The following SP1 variants were observed in gnomAD, a reference collection of about 807,000 sequenced individuals.
SP1 encodes transcription factor Sp1.
Under a neutral mutation model 66.3 loss-of-function variants are expected in SP1, and 6 were observed. The observed-to-expected ratio is 0.09, with a 90% CI of 0.05 to 0.18. The LOEUF (loss-of-function observed/expected upper bound fraction) is 0.18, where lower values mean the gene tolerates loss of function less well. SP1 is among the 10% of genes least tolerant of loss of function. SP1 has a pLI of 1.00. For synonymous variants in SP1, 417 were observed against 360.8 expected (o/e 1.16, Z -1.77); for missense variants, 848 against 964.5 (o/e 0.88, Z 1.60).
At chr12:53,392,778 A>G (rs1168378721) in intron 3 of SP1, among the ~76,000 whole-genome samples, 1 of 152,012 alleles carries the variant, frequency 6.6e-6, no homozygotes, top group Non-Finnish European at 1.5e-5. Flanking sequence ...TACAGGCGTG[A>G]GCCACCATGC....
chr12:53,387,135 T>C (rs1938248284), intron 3 of SP1, among the ~76,000 whole-genome samples: 1 of 151,870 alleles, frequency 6.6e-6, no homozygotes, highest in East Asian at 1.9e-4. Context: ...ATTTTTTTAG[T>C]AGCGATTGGA....
chr12:53,400,948 GAC>G (rs1425314997), intron 3 of SP1, among the ~76,000 whole-genome samples: 6 of 151,376 alleles, frequency 4.0e-5, no homozygotes, highest in African/African-American at 1.2e-4. Context: ...TTTTAGTAGA[GAC>G]AAGGTTTCAC....
At chr12:53,410,587 C>T (rs1938862117) in intron 5 of SP1, among the ~76,000 whole-genome samples, 1 of 151,886 alleles carries the variant, frequency 6.6e-6, no homozygotes, top group Non-Finnish European at 1.5e-5. Flanking sequence ...TCACTGCAAG[C>T]TCCGCCTCCC....
chr12:53,409,614 A>G, intron 5 of SP1, 53 bp downstream of exon 5: 1 of 1,380,634 alleles, frequency 7.2e-7, no homozygotes, highest in Non-Finnish European at 1.0e-6. Flanking sequence ...AATGAAAAAC[A>G]CAAAATATAC....
chr12:53,393,925 A>G (rs1938411143), intron 3 of SP1, among the ~76,000 whole-genome samples: 1 of 151,610 alleles, frequency 6.6e-6, no homozygotes, highest in Non-Finnish European at 1.5e-5. Context: ...TTTGAAAACC[A>G]GAAGGTGGGC....
chr12:53,404,170 CAA>C (rs773566491), intron 3 of SP1, among the ~76,000 whole-genome samples: 7 of 105,644 alleles, frequency 6.6e-5, no homozygotes, highest in Non-Finnish European at 8.1e-5. Flanking sequence ...GACTCCGTCT[CAA>C]AAAAAAAAAA....
intron 1 of SP1, chr12:53,380,546 C>T (rs992116585): frequency 1.5e-6 from 1 of 687,564 alleles, no homozygotes; most frequent in African/African-American, 1.9e-5. Flanking sequence ...CCTGCCCGCC[C>T]CGGCCACGGG....
intron 3 of SP1, among the ~76,000 whole-genome samples, chr12:53,406,363 C>G (rs931789840): frequency 2.0e-5 from 3 of 152,050 alleles, no homozygotes; most frequent in Admixed American, 2.0e-4. Context: ...ACCACTGCGC[C>G]CAGCCACTCT....
Position 53,383,346 on chromosome 12 carries a change from C to A in SP1, c.1399C>A (p.Leu467Ile). Residue 467 changes from leucine to isoleucine, a missense_variant, in exon 3 of 6, where the codon CTA becomes ATA. Leu to Ile is a conservative substitution (Grantham distance 5, BLOSUM62 2). Around this residue, in one of 7 missense-constraint regions of SP1, gnomAD observed 606 missense variants for 589.9 expected, o/e 1.03. Transcript: ENST00000327443. ...CAATGGACAGGTCAGTTGGCAGACT[C>A]TACAGCTGCAGAACCTCCAAGTTCA... ...GPNGQVSWQTLQLQNLQVQNP... is the reference protein window; with the variant it reads ...GPNGQVSWQTIQLQNLQVQNP... 6.2e-7 allele frequency: 1 copy of A among 1,614,246 alleles called. No individual in the cohort carries two copies. Among genetic ancestry groups the A allele is most frequent in the Non-Finnish European group, 8.5e-7 (1 of 1,180,048 alleles).
chr12:53,399,345 T>G (rs921403807), intron 3 of SP1, among the ~76,000 whole-genome samples: 1 of 152,300 alleles, frequency 6.6e-6, no homozygotes, highest in Non-Finnish European at 1.5e-5. Context: ...TGTTTTTGTT[T>G]TTTTTTGAGA....
chr12:53,386,060 A>G (rs1938223070), intron 3 of SP1, among the ~76,000 whole-genome samples: 1 of 152,210 alleles, frequency 6.6e-6, no homozygotes, highest in Non-Finnish European at 1.5e-5. Flanking sequence ...CCTGGTTAGT[A>G]TTAACCAGAA....
At chr12:53,402,002 G>T (rs1257014625) in intron 3 of SP1, among the ~76,000 whole-genome samples, 1 of 152,130 alleles carries the variant, frequency 6.6e-6, no homozygotes, top group Non-Finnish European at 1.5e-5. Flanking sequence ...ATAATTGGTC[G>T]CAGTTTTACT....
rs564866139 is a variant in SP1 at position 53,411,395 on chromosome 12, G to A, written c.*155G>A. 15 of 606,698 alleles carry A rather than the reference G, an allele frequency of 2.5e-5. No individual in the cohort carries two copies. Among genetic ancestry groups the A allele is most frequent in the Non-Finnish European group, 3.9e-5 (14 of 356,812 alleles). The allele number at this position is 606,698 out of a possible 1,614,324, so 37.6% of individuals were successfully genotyped here. On this transcript the variant is annotated 3_prime_UTR_variant, in exon 6 of 6. Transcript: ENST00000327443. ...GGAGAGGGATACAAGAGAGGAGATG[G>A]GGTCCCGGCACCCATCTGTATCATC...
chr12:53,398,064 T>G (rs1194516744), intron 3 of SP1, among the ~76,000 whole-genome samples: 2 of 152,192 alleles, frequency 1.3e-5, no homozygotes, highest in Non-Finnish European at 2.9e-5. Flanking sequence ...ACTATTTTGG[T>G]CTGAACTGAC....
intron 1 of SP1, among the ~76,000 whole-genome samples, chr12:53,381,143 G>A (rs1428944216): frequency 6.6e-6 from 1 of 151,454 alleles, no homozygotes; most frequent in Non-Finnish European, 1.5e-5. Context: ...GTAGAGACAG[G>A]GTTTCTCCAT....
intron 3 of SP1, among the ~76,000 whole-genome samples, chr12:53,401,785 C>T: frequency 6.6e-6 from 1 of 152,124 alleles, no homozygotes; most frequent in East Asian, 1.9e-4. Flanking sequence ...TCTCCTGCCT[C>T]AGCCTTCCAA....
rs909353926 is a variant in SP1 at position 53,381,647 on chromosome 12, T to A, written c.8-12T>A. 6.3e-7 allele frequency: 1 copy of A among 1,593,416 alleles called. No homozygotes were observed. The highest frequency in any genetic ancestry group is 1.4e-5 in the African/African-American group (1 of 73,710). On this transcript the variant is annotated splice_polypyrimidine_tract_variant and intron_variant, in intron 1 of 5. Coordinates refer to ENST00000327443, the MANE Select transcript of SP1 (RefSeq NM_138473.3). ...CCTCAAGTTTACGTTGTTTGTTTTT[T>A]AATTATTTTAGACCAAGATCACTCC...
chr12:53,394,480 A>T, intron 3 of SP1, among the ~76,000 whole-genome samples: 1 of 129,308 alleles, frequency 7.7e-6, no homozygotes, highest in Admixed American at 8.7e-5. Context: ...ATCAGGGCCT[A>T]CTGCAGCCCT....
At chr12:53,392,737 C>G (rs1200129541) in intron 3 of SP1, among the ~76,000 whole-genome samples, 1 of 152,002 alleles carries the variant, frequency 6.6e-6, no homozygotes, top group East Asian at 1.9e-4. Flanking sequence ...TCAGGTGATC[C>G]ACCCACCTCA....
Sources: allele counts gnomAD v4.1 joint callset (sites outside exome capture counted in the v4.1 genomes callset), GRCh38; gene constraint gnomAD v4.1.1; regional missense constraint gnomAD v4.1.1; transcripts MANE v1.5; gene names NCBI Gene and HGNC (gene_info 2026-07-23, HGNC 2026-07-21).